The following TRRAP variants were observed in gnomAD, a reference collection of about 807,000 sequenced individuals.
TRRAP encodes transformation/transcription domain-associated protein.
Under a neutral mutation model 438.8 loss-of-function variants are expected in TRRAP, and 41 were observed. The observed-to-expected ratio is 0.09, with a 90% CI of 0.07 to 0.12. The LOEUF (loss-of-function observed/expected upper bound fraction) is 0.12, where lower values mean the gene tolerates loss of function less well. Among genes scored for constraint, TRRAP ranks in the 10% least tolerant of loss-of-function variants. TRRAP has a pLI of 1.00. For synonymous variants in TRRAP, 1,994 were observed against 1,962.9 expected (o/e 1.02, Z -0.42); for missense variants, 3,122 against 5,055.1 (o/e 0.62, Z 11.60).
At chr7:98,919,723 G>A (rs1336349009) in intron 20 of TRRAP, among the ~76,000 whole-genome samples, 4 of 152,178 alleles carry the variant, frequency 2.6e-5, no homozygotes, top group Admixed American at 6.5e-5. Flanking sequence ...CAAACCCTGC[G>A]GCTGACCCAG....
At chr7:98,958,169 G>A in intron 44 of TRRAP, 78 bp downstream of exon 44, 1 of 1,256,354 alleles carries the variant, frequency 8.0e-7, no homozygotes, top group Non-Finnish European at 1.1e-6. Flanking sequence ...GGTTATCTGT[G>A]GCAATTTCAT....
chr7:98,889,553 T>A (rs1418149317), intron 3 of TRRAP, among the ~76,000 whole-genome samples: 2 of 61,044 alleles, frequency 3.3e-5, no homozygotes, highest in Non-Finnish European at 1.4e-4. Context: ...TTTTTTTTTT[T>A]TTAAAAAAAA....
chr7:98,966,132 C>T, intron 49 of TRRAP, among the ~76,000 whole-genome samples: 1 of 151,978 alleles, frequency 6.6e-6, no homozygotes, highest in East Asian at 1.9e-4. Flanking sequence ...CGGTGAAACC[C>T]CGTCTCTACT....
intron 70 of TRRAP, 112 bp downstream of exon 70, chr7:99,008,673 C>G: frequency 8.5e-7 from 1 of 1,176,922 alleles, no homozygotes; most frequent in South Asian, 1.5e-5. Context: ...TTGGGGGCCA[C>G]CTCTGTCATT....
At chr7:98,968,604 G>T (rs1017595364) in intron 51 of TRRAP, among the ~76,000 whole-genome samples, 8 of 152,180 alleles carry the variant, frequency 5.3e-5, no homozygotes, top group Non-Finnish European at 2.9e-5. Flanking sequence ...GGTTACCAGT[G>T]CTGTGCAGGT....
At chr7:98,960,271 A>G (rs1408262949) in intron 45 of TRRAP, among the ~76,000 whole-genome samples, 4 of 152,208 alleles carry the variant, frequency 2.6e-5, no homozygotes, top group Non-Finnish European at 5.9e-5. Flanking sequence ...TTTTGCTTAT[A>G]AAAACCATGA....
intron 19 of TRRAP, among the ~76,000 whole-genome samples, 168 bp downstream of exon 19, chr7:98,916,056 A>G (rs1364682194): frequency 6.8e-6 from 1 of 146,594 alleles, no homozygotes; most frequent in Non-Finnish European, 1.5e-5. Flanking sequence ...GGCCCTGGTC[A>G]TCTACTGGGA....
chr7:98,921,139 A>C (rs1789775552), intron 20 of TRRAP, among the ~76,000 whole-genome samples: 1 of 152,158 alleles, frequency 6.6e-6, no homozygotes, highest in Non-Finnish European at 1.5e-5. Flanking sequence ...TGCCTAAACA[A>C]GATACTGCTT....
At chr7:98,949,609 G>T in intron 36 of TRRAP, 28 bp downstream of exon 36, 1 of 1,589,846 alleles carries the variant, frequency 6.3e-7, no homozygotes, top group South Asian at 1.1e-5. Flanking sequence ...AGCCCCCAAT[G>T]CCCAGGGGTT....
At chr7:98,999,580 T>G in intron 67 of TRRAP, 3 of 751,042 alleles carry the variant, frequency 4.0e-6, no homozygotes, top group Non-Finnish European at 7.1e-6. Flanking sequence ...ACTGCCACTG[T>G]GTTCTTCCCA....
intron 31 of TRRAP, 30 bp downstream of exon 31, chr7:98,943,047 C>T (rs1790877096): frequency 6.2e-6 from 10 of 1,612,722 alleles, no homozygotes; most frequent in African/African-American, 1.3e-5. Flanking sequence ...CTGGGAAGGG[C>T]ACCAGCCGCC....
chr7:98,976,728 A>G lies in TRRAP; in HGVS notation c.8205A>G (p.Thr2735=), dbSNP rs1374939751. 1.9e-6 allele frequency: 3 copies of G among 1,614,026 alleles called. No homozygotes were observed. The South Asian group carries it at 3.3e-5, about 18-fold the overall frequency. Residue 2735 remains threonine (T), a synonymous_variant, in exon 55 of 73, where the codon ACA becomes ACG. Transcript: ENST00000456197. The surrounding 1 kb of genome is among the most constrained non-coding windows in gnomAD (Gnocchi z 4.6). ...GLSLQIKPKQ[T]TEFYEQESIT... is the part of the protein sequence containing the mutation. ...GTCTTCAGATTAAGCCGAAGCAAAC[A>G]ACGGAGTTTTATGAGCAGGAGAGCA... is the stretch of plus-strand genomic sequence containing the variant.
chr7:98,915,656 T>G, intron 18 of TRRAP, 67 bp from the exon 19 acceptor site: 31 of 1,530,060 alleles, frequency 2.0e-5, no homozygotes, highest in Non-Finnish European at 2.7e-5. Context: ...AGTGACACTT[T>G]AGAGTCTGGA....
rs1217946865 is a variant in TRRAP at position 98,984,353 on chromosome 7, A to G, written c.9283A>G (p.Met3095Val). The change falls in exon 61 of 73, where the codon ATG becomes GTG. Residue 3095 changes from methionine (M) to valine (V), a missense_variant. This residue lies in a region of TRRAP where 129 missense variants were observed against 279.2 expected (regional missense o/e 0.46). Transcript: ENST00000456197. ...LAGVMGKNEC[M>V]QGLEVIESTN... ...AGGCGTCATGGGCAAAAACGAGTGC[A>G]TGCAGGTGCGGACAGGACACTTGAA... 1 of 1,579,752 alleles carries G rather than the reference A, an allele frequency of 6.3e-7. No individual in the cohort carries two copies. The highest frequency in any genetic ancestry group is 1.3e-5 in the African/African-American group (1 of 74,278).
intron 66 of TRRAP, 65 bp downstream of exon 66, chr7:98,993,802 C>A: frequency 6.6e-7 from 1 of 1,510,686 alleles, no homozygotes; most frequent in Non-Finnish European, 9.2e-7. Context: ...CTGTATGCTT[C>A]TGTGGCTCTC....
At chr7:98,970,041 G>A (rs1792341552) in intron 51 of TRRAP, 71 bp from the exon 52 acceptor site, 17 of 1,558,126 alleles carry the variant, frequency 1.1e-5, no homozygotes, top group Non-Finnish European at 1.5e-5. Flanking sequence ...GGGGCATCTG[G>A]GAGAGAAGTC....
rs782583932 is a variant in TRRAP, at chr7:98,948,342, T to C, written c.4668+2T>C. On this transcript the variant is annotated splice_donor_variant, in intron 34 of 72. Coordinates refer to ENST00000456197, the MANE Select transcript of TRRAP (RefSeq NM_001375524.1). LOFTEE classifies it high-confidence loss of function. The surrounding 1 kb of genome is among the most constrained non-coding windows in gnomAD (Gnocchi z 4.9). ...ACGGAGCGGGCGATGCTGATCGAGG[T>C]AAGGGCCATACTGAAGGCTGCTTCT... The C allele has an allele frequency of 6.2e-7, 1 of 1,614,122 alleles. No homozygotes were observed. Among genetic ancestry groups the C allele is most frequent in the Non-Finnish European group, 8.5e-7 (1 of 1,180,026 alleles).
intron 30 of TRRAP, among the ~76,000 whole-genome samples, chr7:98,938,887 A>G (rs1375973663): frequency 2.6e-5 from 4 of 152,378 alleles, no homozygotes; most frequent in South Asian, 2.1e-4. Context: ...ATTTTTACCA[A>G]TATACACTCC....
intron 52 of TRRAP, 139 bp downstream of exon 52, chr7:98,970,430 C>G (rs1426736109): frequency 9.1e-7 from 1 of 1,099,270 alleles, no homozygotes; most frequent in East Asian, 2.6e-5. Flanking sequence ...CCGCGCCCCA[C>G]GGGCAGAATC....
Sources: allele counts gnomAD v4.1 joint callset (sites outside exome capture counted in the v4.1 genomes callset), GRCh38; gene constraint gnomAD v4.1.1; regional missense constraint gnomAD v4.1.1; non-coding constraint Gnocchi (gnomAD v3.1); transcripts MANE v1.5; gene names NCBI Gene and HGNC (gene_info 2026-07-23, HGNC 2026-07-21).